The following DLG2 variants were observed in gnomAD, a reference collection of about 807,000 sequenced individuals.
The protein encoded by DLG2 is disks large homolog 2.
In DLG2, 45 loss-of-function variants were observed where a neutral mutation model predicts 132.5. That is an observed-to-expected ratio of 0.34 (90% confidence interval 0.27 to 0.44). DLG2 has a LOEUF of 0.44. Ranked by LOEUF, DLG2 falls within the 20% of genes least tolerant of loss-of-function variation. The pLI, the probability that DLG2 is intolerant of heterozygous loss-of-function variation, is 1.00. For synonymous variants in DLG2, 424 were observed against 419.6 expected (o/e 1.01, Z -0.13); for missense variants, 1,045 against 1,196.9 (o/e 0.87, Z 1.87).
intron 3 of DLG2, among the ~76,000 whole-genome samples, chr11:85,459,206 G>C (rs1184237014): frequency 6.6e-6 from 1 of 152,206 alleles, no homozygotes; most frequent in East Asian, 1.9e-4. Context: ...GGCAGTAGCA[G>C]AGGGCCTTTT....
intron 4 of DLG2, among the ~76,000 whole-genome samples, chr11:85,215,505 CAA>C (rs1258901367): frequency 6.6e-6 from 1 of 152,078 alleles, no homozygotes; most frequent in Non-Finnish European, 1.5e-5. Flanking sequence ...AAAAAGTAGA[CAA>C]AGAGCAAACT....
chr11:84,043,366 T>G (rs2096148861), intron 11 of DLG2, among the ~76,000 whole-genome samples: 1 of 151,702 alleles, frequency 6.6e-6, no homozygotes, highest in African/African-American at 2.4e-5. Context: ...AAGAGTGATA[T>G]GTTTTTTGGA....
intron 6 of DLG2, among the ~76,000 whole-genome samples, chr11:84,683,529 T>C (rs1387753061): frequency 6.6e-6 from 1 of 152,164 alleles, no homozygotes; most frequent in Non-Finnish European, 1.5e-5. Flanking sequence ...CTTGCCATAA[T>C]AGTTGCTGAA....
intron 6 of DLG2, among the ~76,000 whole-genome samples, chr11:84,718,641 T>C (rs1369379141): frequency 1.3e-5 from 2 of 152,224 alleles, no homozygotes; most frequent in Non-Finnish European, 2.9e-5. Flanking sequence ...TTAAATATCA[T>C]TTAGCACCGC....
intron 19 of DLG2, among the ~76,000 whole-genome samples, chr11:83,594,192 C>T (rs2097245567): frequency 2.0e-5 from 3 of 152,176 alleles, no homozygotes; most frequent in Admixed American, 2.0e-4. Flanking sequence ...AGGATGCAAC[C>T]CTTTCTCTTC....
chr11:84,303,347 T>C (rs2098177898), intron 7 of DLG2, among the ~76,000 whole-genome samples: 1 of 152,164 alleles, frequency 6.6e-6, no homozygotes, highest in Non-Finnish European at 1.5e-5. Context: ...GACTGCTAAC[T>C]GAATAGTGCA....
intron 3 of DLG2, among the ~76,000 whole-genome samples, chr11:85,484,885 A>G (rs286502): frequency 0.8 from 120,140 of 150,616 alleles, 49,426 homozygotes; most frequent in Middle Eastern, 0.95. Flanking sequence ...TCATGCTGCT[A>G]TAAAGACACA....
upstream of DLG2, among the ~76,000 whole-genome samples, chr11:85,628,163 G>A (rs1035794962): frequency 4.6e-5 from 7 of 152,196 alleles, no homozygotes; most frequent in East Asian, 1.9e-4. Flanking sequence ...TTTGGAGGAG[G>A]AGGTGCCCGA....
intron 11 of DLG2, among the ~76,000 whole-genome samples, chr11:84,057,517 G>A (rs1566261645): frequency 3.9e-5 from 6 of 151,984 alleles, no homozygotes; most frequent in Non-Finnish European, 1.5e-5. Context: ...TAGAGACTGT[G>A]GCATGAAAAT....
At chr11:84,233,623 C>T (rs1227595792) in intron 8 of DLG2, among the ~76,000 whole-genome samples, 1 of 152,170 alleles carries the variant, frequency 6.6e-6, no homozygotes, top group Non-Finnish European at 1.5e-5. Context: ...AAAAATTCAT[C>T]CCCTGTGCAA....
At chr11:85,468,043 G>T (rs891040976) in intron 3 of DLG2, among the ~76,000 whole-genome samples, 3 of 152,268 alleles carry the variant, frequency 2.0e-5, no homozygotes, top group Non-Finnish European at 2.9e-5. Flanking sequence ...TCTTGGGAGG[G>T]TGTATGTGTT....
chr11:84,888,725 C>G (rs1031139709), intron 6 of DLG2, among the ~76,000 whole-genome samples: 8 of 152,136 alleles, frequency 5.3e-5, no homozygotes, highest in Admixed American at 5.2e-4. Flanking sequence ...CTTTCCCTAT[C>G]TCCAAGAAAG....
At chr11:84,328,591 C>G (rs1245569708) in intron 7 of DLG2, among the ~76,000 whole-genome samples, 1 of 151,824 alleles carries the variant, frequency 6.6e-6, no homozygotes, top group Non-Finnish European at 1.5e-5. Context: ...TTTGCAAGTT[C>G]TTATTTTTCA....
chr11:84,526,866 C>T (rs2099322408), intron 7 of DLG2, among the ~76,000 whole-genome samples: 2 of 150,772 alleles, frequency 1.3e-5, no homozygotes. Context: ...GCAAGCTCCG[C>T]CTCCCGGGTT....
rs181484827 is a variant in DLG2 at position 83,817,051 on chromosome 11, T to C, written c.1722+16563A>G. On this transcript the variant is annotated intron_variant, in intron 17 of 27. Transcript: ENST00000376104. ...AGAATCTACTGACTTAAAATAGTAATCTAGCTTCATTCATTCATTATATAT... is the reference window on the plus strand; with the variant it reads ...AGAATCTACTGACTTAAAATAGTAACCTAGCTTCATTCATTCATTATATAT... Among the ~76,000 whole-genome samples, 174 of 152,296 alleles carry C rather than the reference T, an allele frequency of 1.1e-3. 2 individuals carry two copies. Among genetic ancestry groups the C allele is most frequent in the African/African-American group, 4.0e-3 (168 of 41,570 alleles).
At chr11:84,813,996 C>T (rs74933517) in intron 6 of DLG2, among the ~76,000 whole-genome samples, 184 of 152,234 alleles carry the variant, frequency 1.2e-3, no homozygotes, top group Non-Finnish European at 2.3e-3. Context: ...TGTTTCTACA[C>T]TATATTCCTG....
rs1186550197 is a variant in DLG2, at chr11:84,051,481, G to A, written c.919+7834C>T. Among the ~76,000 whole-genome samples the A allele has an allele frequency of 2.0e-5, 3 of 151,782 alleles. No homozygotes were observed. The East Asian group carries it at 5.8e-4, about 29-fold the overall frequency. On this transcript the variant is annotated intron_variant, in intron 11 of 27. Transcript: ENST00000376104. ...GAGTTCATGTCCTTTGTAGGGACAT[G>A]GATGAAGCTGGAAACCATCATTCTC... is the stretch of plus-strand genomic sequence containing the variant.
chr11:85,566,296 G>A (rs2153224617), intron 3 of DLG2, among the ~76,000 whole-genome samples: 1 of 152,190 alleles, frequency 6.6e-6, no homozygotes, highest in Admixed American at 6.5e-5. Context: ...TGTGTGGGCT[G>A]CCTTTTAACT....
chr11:84,190,378 T>C (rs551344723), intron 8 of DLG2, among the ~76,000 whole-genome samples: 7 of 152,188 alleles, frequency 4.6e-5, no homozygotes, highest in Non-Finnish European at 1.0e-4. Context: ...TCCGATTTAA[T>C]GAACCTCAAG....
Sources: gnomAD v4.1 joint callset for allele counts (sites outside exome capture counted in the v4.1 genomes callset) on GRCh38, gnomAD v4.1.1 for gene constraint, MANE v1.5 for transcripts, NCBI Gene and HGNC (gene_info 2026-07-23, HGNC 2026-07-21) for gene names.